MCTP1: variants seen among roughly 807,000 people sequenced by gnomAD.
The protein encoded by MCTP1 is multiple C2 and transmembrane domain-containing protein 1.
A neutral mutation model predicts 120.6 loss-of-function variants in MCTP1; 69 were observed. The ratio of observed to expected loss-of-function variants is 0.57; its 90% CI spans 0.47 to 0.70. The LOEUF (loss-of-function observed/expected upper bound fraction) is 0.70, where lower values mean the gene tolerates loss of function less well. MCTP1 is among the 30% of genes least tolerant of loss of function. The pLI is 0.00. For synonymous variants in MCTP1, 529 were observed against 493.1 expected (o/e 1.07, Z -0.96); for missense variants, 1,203 against 1,248.8 (o/e 0.96, Z 0.55).
chr5:94,767,419 A>C (rs777126604), intron 19 of MCTP1, among the ~76,000 whole-genome samples: 1 of 152,188 alleles, frequency 6.6e-6, no homozygotes, highest in Non-Finnish European at 1.5e-5. Context: ...AGCTAGAGCA[A>C]TCAGGCAAGA....
At chr5:94,773,199 C>T (rs978361023) in intron 19 of MCTP1, among the ~76,000 whole-genome samples, 2 of 152,120 alleles carry the variant, frequency 1.3e-5, no homozygotes, top group African/African-American at 4.8e-5. Flanking sequence ...GTCCAAACAT[C>T]CCTCACCCCA....
At chr5:95,166,483 T>C (rs1317127543) in intron 1 of MCTP1, among the ~76,000 whole-genome samples, 2 of 152,186 alleles carry the variant, frequency 1.3e-5, no homozygotes, top group African/African-American at 2.4e-5. Flanking sequence ...AGCCACTCCA[T>C]AATTCATATT....
At chr5:95,200,341 A>G (rs1750875828) in intron 1 of MCTP1, among the ~76,000 whole-genome samples, 1 of 152,210 alleles carries the variant, frequency 6.6e-6, no homozygotes, top group African/African-American at 2.4e-5. Context: ...CAATCCCAAT[A>G]CTGGGTATAT....
chr5:94,840,197 C>T (rs1790702158), intron 17 of MCTP1, among the ~76,000 whole-genome samples: 1 of 152,144 alleles, frequency 6.6e-6, no homozygotes, highest in African/African-American at 2.4e-5. Context: ...TCCTCCTTTC[C>T]CCCAACTCTC....
chr5:94,787,744 G>A (rs183558997), intron 18 of MCTP1, among the ~76,000 whole-genome samples: 47 of 152,148 alleles, frequency 3.1e-4, no homozygotes, highest in African/African-American at 1.1e-3. Flanking sequence ...AGCCTTCCGA[G>A]TAGCTGGGAC....
At chr5:94,750,532 G>A (rs1768038976) in intron 19 of MCTP1, among the ~76,000 whole-genome samples, 1 of 152,168 alleles carries the variant, frequency 6.6e-6, no homozygotes, top group Non-Finnish European at 1.5e-5. Flanking sequence ...AACAGAAATG[G>A]TCTATGTCTC....
chr5:95,155,730 T>C (rs568684269), intron 1 of MCTP1, among the ~76,000 whole-genome samples: 5 of 152,150 alleles, frequency 3.3e-5, no homozygotes, highest in Non-Finnish European at 7.4e-5. Flanking sequence ...ATAGCTGTGG[T>C]TGTCAGAATT....
At chr5:94,896,977 CTATCTT>C (rs1804166245) in intron 10 of MCTP1, among the ~76,000 whole-genome samples, 1 of 152,178 alleles carries the variant, frequency 6.6e-6, no homozygotes, top group African/African-American at 2.4e-5. Flanking sequence ...CTCCACCACT[CTATCTT>C]TAAGTAACCA....
intron 1 of MCTP1, among the ~76,000 whole-genome samples, chr5:95,096,312 T>C (rs150908072): frequency 4.6e-5 from 7 of 152,278 alleles, no homozygotes; most frequent in East Asian, 1.9e-4. Flanking sequence ...AACCATTTCG[T>C]CCTCAGGCAG....
chr5:94,976,209 G>A (rs1828060119), intron 2 of MCTP1, among the ~76,000 whole-genome samples: 1 of 152,078 alleles, frequency 6.6e-6, no homozygotes, highest in Non-Finnish European at 1.5e-5. Flanking sequence ...CCAAGCTATG[G>A]TGATTGGCAT....
intron 18 of MCTP1, among the ~76,000 whole-genome samples, chr5:94,795,428 A>C (rs893064668): frequency 6.6e-6 from 1 of 152,200 alleles, no homozygotes. Context: ...AAATCAAAGT[A>C]AAAGCCATTT....
At chr5:95,282,929 T>A (rs987974276) in intron 1 of MCTP1, among the ~76,000 whole-genome samples, 1 of 152,222 alleles carries the variant, frequency 6.6e-6, no homozygotes, top group Non-Finnish European at 1.5e-5. Context: ...ACATAATTAA[T>A]CAGAGTCAAA....
intron 1 of MCTP1, among the ~76,000 whole-genome samples, chr5:95,050,481 A>T (rs144184268): frequency 1.3e-5 from 2 of 152,192 alleles, no homozygotes; most frequent in South Asian, 4.1e-4. Flanking sequence ...ATCGGACATC[A>T]CCAGTCACAT....
At chr5:95,025,696 T>C (rs1165390615) in intron 1 of MCTP1, among the ~76,000 whole-genome samples, 1 of 152,166 alleles carries the variant, frequency 6.6e-6, no homozygotes, top group Non-Finnish European at 1.5e-5. Context: ...CAAATTTCCT[T>C]ATGCTCAACT....
chr5:94,954,192 A>G (rs1821948964), intron 2 of MCTP1, among the ~76,000 whole-genome samples: 1 of 134,022 alleles, frequency 7.5e-6, no homozygotes, highest in East Asian at 2.1e-4. Context: ...GCATATATAT[A>G]TATATATATA....
intron 1 of MCTP1, among the ~76,000 whole-genome samples, chr5:95,162,744 A>T (rs1745885653): frequency 1.3e-5 from 2 of 152,186 alleles, no homozygotes; most frequent in Non-Finnish European, 2.9e-5. Context: ...TTCATTCTGT[A>T]ACAGTGAGAT....
chr5:95,228,205 A>G (rs1203886020), intron 1 of MCTP1, among the ~76,000 whole-genome samples: 2 of 152,206 alleles, frequency 1.3e-5, no homozygotes, highest in South Asian at 2.1e-4. Context: ...TGGCACATCC[A>G]AAAGAACAAG....
Position 94,888,859 on chromosome 5 carries a change from A to T in MCTP1, c.1933+20T>A. ...TGTGCTGCTTGATCTGAGCAATAGG[A>T]GAATTGCATCATCTCTTACCAGTGA... On this transcript the variant is annotated intron_variant, in intron 12 of 22. Coordinates refer to ENST00000515393, the MANE Select transcript of MCTP1 (RefSeq NM_024717.7). 6.7e-7 allele frequency: 1 copy of T among 1,503,066 alleles called. No individual in the cohort carries two copies. Among genetic ancestry groups the T allele is most frequent in the East Asian group, 2.3e-5 (1 of 44,358 alleles). 93.1% of individuals were successfully genotyped at this position (1,503,066 alleles called of 1,614,324 possible). A position where few individuals can be genotyped will look rare whatever the true frequency, so the allele number is the denominator to read the frequency against.
intron 1 of MCTP1, among the ~76,000 whole-genome samples, chr5:95,160,515 A>ATTTTTTTTTTTTTTTTTTTTTTTTTTTT (rs1265190749): frequency 1.3e-5 from 2 of 152,076 alleles, no homozygotes; most frequent in Non-Finnish European, 2.9e-5. Flanking sequence ...ATTTCTTTTA[A>ATTTTTTTTTTTTTTTTTTTTTTTTTTTT]TTTTTATTAT....
Sources: gnomAD v4.1 joint callset for allele counts (sites outside exome capture counted in the v4.1 genomes callset) on GRCh38, gnomAD v4.1.1 for gene constraint, MANE v1.5 for transcripts, NCBI Gene and HGNC (gene_info 2026-07-23, HGNC 2026-07-21) for gene names.